Variants in ZNF536 observed in about 807,000 individuals in gnomAD.
ZNF536 encodes zinc finger protein 536.
A neutral mutation model predicts 84.5 loss-of-function variants in ZNF536; 13 were observed. The observed-to-expected ratio is 0.15, with a 90% confidence interval of 0.10 to 0.24. ZNF536 has a LOEUF of 0.24. Ranked by LOEUF, ZNF536 falls within the 10% of genes least tolerant of loss-of-function variation. ZNF536 has a pLI of 1.00. For missense variants in ZNF536, 1,536 were observed against 1,747.5 expected (o/e 0.88, Z 2.16); for synonymous variants, 811 against 742.5 (o/e 1.09, Z -1.50).
intron 1 of ZNF536, among the ~76,000 whole-genome samples, chr19:30,261,017 G>A (rs527467052): frequency 2.6e-5 from 4 of 152,254 alleles, no homozygotes; most frequent in African/African-American, 9.6e-5. Flanking sequence ...TATAACTAGC[G>A]GCCGGGCGCG....
intron 2 of ZNF536, among the ~76,000 whole-genome samples, chr19:30,457,870 A>C (rs575722866): frequency 4.6e-4 from 70 of 152,300 alleles, no homozygotes; most frequent in Non-Finnish European, 7.9e-4. Context: ...CTGCACCCCC[A>C]GTATGTCAGA....
At chr19:30,694,495 G>T (rs377575621) in intron 1 of ZNF536, among the ~76,000 whole-genome samples, 1 of 152,186 alleles carries the variant, frequency 6.6e-6, no homozygotes, top group Non-Finnish European at 1.5e-5. Flanking sequence ...GCCCACAGGC[G>T]CCTGGCTGGT....
At chr19:30,425,837 G>A (rs926725991) in intron 1 of ZNF536, among the ~76,000 whole-genome samples, 1 of 152,188 alleles carries the variant, frequency 6.6e-6, no homozygotes, top group Non-Finnish European at 1.5e-5. Context: ...GTAGGAAGAG[G>A]GGTTCTCCCA....
At position 30,299,806 on chromosome 19, in the gene ZNF536, A is replaced by C. The variant is rs183910893; in HGVS notation, c.-120+15665A>C. Among the ~76,000 whole-genome samples, 301 of 152,336 alleles carry C rather than the reference A, an allele frequency of 2.0e-3. 3 individuals carry two copies. Among genetic ancestry groups the C allele is most frequent in the African/African-American group, 6.9e-3 (286 of 41,578 alleles). On this transcript the variant is annotated intron_variant, in intron 2 of 5. Transcript: ENST00000585628. ...AAACATAATATTCCTTAATTAATCC[A>C]TTATGCCATGGTACACATGTGCCAT...
chr19:30,625,591 AT>A (rs1159202868), intron 1 of ZNF536, among the ~76,000 whole-genome samples: 7 of 152,242 alleles, frequency 4.6e-5, no homozygotes, highest in Admixed American at 3.3e-4. Flanking sequence ...GCAGTGTCAG[AT>A]AGGTTTAAAA....
At chr19:30,608,014 G>T (rs1379524411) in intron 1 of ZNF536, among the ~76,000 whole-genome samples, 1 of 152,052 alleles carries the variant, frequency 6.6e-6, no homozygotes, top group Non-Finnish European at 1.5e-5. Context: ...ACCCATACAG[G>T]ATATGATATT....
intron 2 of ZNF536, among the ~76,000 whole-genome samples, chr19:30,446,950 G>T (rs1158917073): frequency 6.6e-6 from 1 of 152,180 alleles, no homozygotes; most frequent in Non-Finnish European, 1.5e-5. Flanking sequence ...TAAATTGAAA[G>T]TTATCTCTAG....
chr19:30,376,328 G>T (rs964571543), intron 1 of ZNF536, among the ~76,000 whole-genome samples: 1 of 152,072 alleles, frequency 6.6e-6, no homozygotes, highest in Non-Finnish European at 1.5e-5. Flanking sequence ...TGCCTTTGTC[G>T]GCTGGCCCTG....
intron 2 of ZNF536, among the ~76,000 whole-genome samples, chr19:30,452,807 T>C (rs1293142956): frequency 6.6e-6 from 1 of 152,176 alleles, no homozygotes; most frequent in African/African-American, 2.4e-5. Context: ...TGGGCCTGTT[T>C]GCTGCCCTTC....
intron 1 of ZNF536, among the ~76,000 whole-genome samples, chr19:30,386,462 G>C (rs58773496): frequency 0.37 from 55,701 of 152,002 alleles, 10,560 homozygotes; most frequent in Middle Eastern, 0.54. Context: ...CTGAAGAGTC[G>C]ACCTCTCTGG....
Position 30,444,672 on chromosome 19 carries a change from C to A in ZNF536, c.1110C>A (p.Ser370=), listed in dbSNP as rs756307909. The change falls in exon 2 of 5, where the codon TCC becomes TCA. Residue 370 remains serine, a synonymous_variant. Coordinates refer to ENST00000355537, the MANE Select transcript of ZNF536 (RefSeq NM_014717.3). ...GTCACATGCGCAAGCACAAAGACTC[C>A]TTTGAGCACTGCTGCCAGATCTGCG... is the stretch of plus-strand genomic sequence containing the variant. ...LKGHMRKHKD[S]FEHCCQICGR... The A allele has an allele frequency of 1.5e-5, 24 of 1,613,996 alleles. No homozygotes were observed. The South Asian group carries it at 2.6e-4, about 18-fold the overall frequency.
chr19:30,300,107 C>A (rs145735223), intron 2 of ZNF536, among the ~76,000 whole-genome samples: 2 of 152,104 alleles, frequency 1.3e-5, no homozygotes, highest in African/African-American at 2.4e-5. Flanking sequence ...TTGTTATGAG[C>A]GTGGGAGAGT....
intron 1 of ZNF536, among the ~76,000 whole-genome samples, chr19:30,417,148 A>ATTTTTTTTTTTTT (rs71173904): frequency 1.1e-4 from 11 of 100,232 alleles, no homozygotes; most frequent in East Asian, 5.7e-4. Context: ...TAATTTTTGT[A>ATTTTTTTTTTTTT]TTTTTTTTTT....
Position 30,281,541 on chromosome 19 carries a change from C to T in ZNF536, c.-189-2531C>T, listed in dbSNP as rs1238208675. Among the ~76,000 whole-genome samples, 7 of 152,148 alleles carry T rather than the reference C, an allele frequency of 4.6e-5. No homozygotes were observed. In the East Asian group the frequency reaches 1.4e-3, roughly 29 times the overall value. ...TATCTGATGGGCAGACCTGCTTGGC[C>T]CCTGACCTACCCCAGAGGCCCCAGT... On this transcript the variant is annotated intron_variant, in intron 1 of 5. Transcript: ENST00000585628.
chr19:30,439,135 C>G (rs139559064), intron 1 of ZNF536, among the ~76,000 whole-genome samples: 1,738 of 152,174 alleles, frequency 0.011, 12 homozygotes, highest in Non-Finnish European at 0.016. Flanking sequence ...ACTCCCCACC[C>G]TTCCCTCAAC....
At chr19:30,365,168 G>T (rs1383214060) in intron 3 of ZNF536, among the ~76,000 whole-genome samples, 1 of 152,218 alleles carries the variant, frequency 6.6e-6, no homozygotes, top group African/African-American at 2.4e-5. Flanking sequence ...TAGAGTTCAT[G>T]CATTTTAAAA....
intron 2 of ZNF536, among the ~76,000 whole-genome samples, chr19:30,447,297 G>C (rs1370403815): frequency 6.6e-6 from 1 of 152,164 alleles, no homozygotes; most frequent in Non-Finnish European, 1.5e-5. Flanking sequence ...TAGCTTTGCT[G>C]TTATAGTCTT....
chr19:30,476,051 A>G (rs532287555), intron 2 of ZNF536, among the ~76,000 whole-genome samples: 7 of 152,192 alleles, frequency 4.6e-5, no homozygotes, highest in Non-Finnish European at 7.3e-5. Flanking sequence ...ACACATGACT[A>G]CCAAGGGCTC....
At chr19:30,560,831 A>G (rs573331700), downstream of ZNF536, among the ~76,000 whole-genome samples, 1 of 152,372 alleles carries the variant, frequency 6.6e-6, no homozygotes, top group African/African-American at 2.4e-5. Flanking sequence ...AAACTTCGCG[A>G]TGATTAAATT....
Sources: allele counts gnomAD v4.1 joint callset (sites outside exome capture counted in the v4.1 genomes callset), GRCh38; gene constraint gnomAD v4.1.1; transcripts MANE v1.5; gene names NCBI Gene and HGNC (gene_info 2026-07-23, HGNC 2026-07-21).